MEMO1: variants seen among roughly 807,000 people sequenced by gnomAD.
MEMO1 encodes protein MEMO1.
Under a neutral mutation model 45.2 loss-of-function variants are expected in MEMO1, and 6 were observed. The ratio of observed to expected loss-of-function variants is 0.13; its 90% CI spans 0.07 to 0.26. MEMO1 has a LOEUF of 0.26. Among genes scored for constraint, MEMO1 ranks in the 10% least tolerant of loss-of-function variants. MEMO1 has a pLI of 1.00. For missense variants in MEMO1, 184 were observed against 370.5 expected, an observed-to-expected ratio of 0.50 and a Z score of 4.13; for synonymous variants, 78 against 124.3, an observed-to-expected ratio of 0.63 and a Z score of 2.48.
At chr2:32,000,674 C>T (rs1484309573) in intron 2 of MEMO1, among the ~76,000 whole-genome samples, 1 of 152,084 alleles carries the variant, frequency 6.6e-6, no homozygotes, top group Non-Finnish European at 1.5e-5. Context: ...CCGAAGTCTT[C>T]CCTTTCAATG....
At chr2:31,930,202 C>T (rs1414385218) in intron 4 of MEMO1, among the ~76,000 whole-genome samples, 2 of 152,172 alleles carry the variant, frequency 1.3e-5, no homozygotes, top group Non-Finnish European at 2.9e-5. Context: ...GCAGAAGTTG[C>T]AGTGAGCCAA....
chr2:31,963,447 A>G, intron 2 of MEMO1: 1 of 610,822 alleles, frequency 1.6e-6, no homozygotes. Context: ...AATATTCCCC[A>G]GTTACTTTTG....
intron 5 of MEMO1, among the ~76,000 whole-genome samples, chr2:31,920,481 A>C (rs1312306467): frequency 6.6e-6 from 1 of 152,152 alleles, no homozygotes; most frequent in Non-Finnish European, 1.5e-5. Flanking sequence ...CAGAATCTTT[A>C]TGAAATTGGT....
intron 2 of MEMO1, among the ~76,000 whole-genome samples, chr2:31,969,511 T>C (rs1669058053): frequency 6.6e-6 from 1 of 151,544 alleles, no homozygotes; most frequent in Non-Finnish European, 1.5e-5. Context: ...AAAAAAGATA[T>C]TAGGATAACA....
intron 2 of MEMO1, among the ~76,000 whole-genome samples, chr2:31,998,586 G>A (rs1225318755): frequency 2.0e-5 from 3 of 152,064 alleles, no homozygotes; most frequent in Non-Finnish European, 2.9e-5. Context: ...AGATCATGAG[G>A]TCAGGAGTTC....
At chr2:31,888,814 G>A (rs1365720403) in intron 7 of MEMO1, among the ~76,000 whole-genome samples, 1 of 151,982 alleles carries the variant, frequency 6.6e-6, no homozygotes, top group Non-Finnish European at 1.5e-5. Context: ...ACTCAAATGA[G>A]GGGATTGAAA....
At chr2:31,890,614 AAAG>A (rs1208930794) in intron 7 of MEMO1, among the ~76,000 whole-genome samples, 1 of 152,158 alleles carries the variant, frequency 6.6e-6, no homozygotes, top group African/African-American at 2.4e-5. Flanking sequence ...AGATTTAAAA[AAAG>A]AAGAAGAACC....
intron 6 of MEMO1, among the ~76,000 whole-genome samples, chr2:31,909,675 G>A (rs1230568380): frequency 1.3e-5 from 2 of 152,122 alleles, no homozygotes; most frequent in African/African-American, 2.4e-5. Context: ...TTGTTTAAAT[G>A]TCCATACTAC....
intron 2 of MEMO1, among the ~76,000 whole-genome samples, chr2:31,948,428 A>G (rs1004122154): frequency 2.6e-5 from 4 of 152,258 alleles, no homozygotes; most frequent in African/African-American, 9.6e-5. Flanking sequence ...AACACATAAA[A>G]AGCCAAATAA....
chr2:31,917,245 T>C (rs72860911), intron 6 of MEMO1, among the ~76,000 whole-genome samples: 1,743 of 152,248 alleles, frequency 0.011, 37 homozygotes, highest in African/African-American at 0.039. Flanking sequence ...TTTTAAAAAT[T>C]AGAGAAACCT....
rs541228601 is a variant in MEMO1, at chr2:31,868,112, C to G, written c.*249G>C. On this transcript the variant is annotated 3_prime_UTR_variant, in exon 10 of 10. Coordinates refer to ENST00000404530, the MANE Select transcript of MEMO1 (RefSeq NM_001301833.4). ...ACTGTCTGCCACAACTGAGCCTTTA[C>G]ATTGTCATCTTTTTTGATCAAAATA... is the stretch of plus-strand genomic sequence containing the variant. 3.4e-5 allele frequency: 12 copies of G among 352,658 alleles called. No homozygotes were observed. Among genetic ancestry groups the G allele is most frequent in the Non-Finnish European group, 5.6e-5 (12 of 212,394 alleles). The allele number at this position is 352,658 out of a possible 1,614,324, so 21.8% of individuals were successfully genotyped here.
intron 6 of MEMO1, among the ~76,000 whole-genome samples, chr2:31,906,893 T>G (rs1265084469): frequency 6.6e-6 from 1 of 152,176 alleles, no homozygotes; most frequent in African/African-American, 2.4e-5. Context: ...TAGGGAATGG[T>G]AGGACCAATA....
At chr2:31,971,679 T>C (rs1669423254) in intron 2 of MEMO1, among the ~76,000 whole-genome samples, 1 of 151,900 alleles carries the variant, frequency 6.6e-6, no homozygotes. Context: ...TTTAAAGAAA[T>C]ACAACTAAGG....
intron 3 of MEMO1, among the ~76,000 whole-genome samples, chr2:31,939,126 T>C (rs1469002989): frequency 3.3e-5 from 5 of 150,154 alleles, no homozygotes; most frequent in Non-Finnish European, 3.0e-5. Context: ...AAAAAAAAGA[T>C]AGCCTTGGAA....
chr2:31,883,406 T>C lies in MEMO1; in HGVS notation c.637A>G (p.Ile213Val). Residue 213 changes from isoleucine to valine, a missense_variant, in exon 8 of 10, where the codon ATT becomes GTT. By Grantham distance (29) the Ile-to-Val change is conservative. Around this residue, in one of 3 missense-constraint regions of MEMO1, gnomAD observed 97 missense variants for 209.3 expected, o/e 0.46. Transcript: ENST00000404530. ...CTTACCATTTTATCTAGATGTTCAA[T>C]GGATCTATAAATCTCCCCCTGGGAT... is the stretch of plus-strand genomic sequence containing the variant. Reference protein sequence around the residue: ...DESQGEIYRSIEHLDKMGMSI... With the variant: ...DESQGEIYRSVEHLDKMGMSI... 1.3e-6 allele frequency: 2 copies of C among 1,586,162 alleles called. No individual in the cohort carries two copies. Among genetic ancestry groups the C allele is most frequent in the Non-Finnish European group, 8.6e-7 (1 of 1,168,806 alleles).
intron 6 of MEMO1, among the ~76,000 whole-genome samples, chr2:31,902,964 T>A (rs555228262): frequency 6.6e-6 from 1 of 152,090 alleles, no homozygotes; most frequent in East Asian, 1.9e-4. Context: ...AATAAAAAAA[T>A]ACACGCGATA....
intron 3 of MEMO1, among the ~76,000 whole-genome samples, chr2:31,932,971 C>T (rs904452233): frequency 4.6e-5 from 7 of 152,092 alleles, no homozygotes; most frequent in African/African-American, 1.7e-4. Flanking sequence ...ATGACTGTTT[C>T]CTGGTCTCAA....
intron 9 of MEMO1, 33 bp downstream of exon 9, chr2:31,869,815 T>C (rs746975227): frequency 6.4e-7 from 1 of 1,564,450 alleles, no homozygotes; most frequent in African/African-American, 1.4e-5. Flanking sequence ...TATGACCAAA[T>C]GTTAAAAGTC....
chr2:32,009,781 G>T (rs1397072333), intron 2 of MEMO1, among the ~76,000 whole-genome samples: 1 of 152,154 alleles, frequency 6.6e-6, no homozygotes, highest in African/African-American at 2.4e-5. Context: ...GGGGCTCGGC[G>T]CCGGGCACAC....
Sources: allele counts gnomAD v4.1 joint callset (sites outside exome capture counted in the v4.1 genomes callset), GRCh38; gene constraint gnomAD v4.1.1; regional missense constraint gnomAD v4.1.1; transcripts MANE v1.5; gene names NCBI Gene and HGNC (gene_info 2026-07-23, HGNC 2026-07-21).